The following ZBTB4 variants were observed in gnomAD, a reference collection of about 807,000 sequenced individuals.
The protein encoded by ZBTB4 is zinc finger and BTB domain containing 4.
Under a neutral mutation model 59.8 loss-of-function variants are expected in ZBTB4, and 14 were observed. The observed-to-expected ratio is 0.23, with a 90% CI of 0.15 to 0.37. ZBTB4 has a LOEUF of 0.37. ZBTB4 is among the 10% of genes least tolerant of loss of function. The probability of loss-of-function intolerance (pLI) is 1.00; values close to 1 mark genes in which losing one functional copy is unlikely to be tolerated. For missense variants in ZBTB4, 1,198 were observed against 1,380.8 expected, an observed-to-expected ratio of 0.87 and a Z score of 2.10; for synonymous variants, 587 against 575.2, an observed-to-expected ratio of 1.02 and a Z score of -0.29.
At chr17:7,467,366 G>A in intron 1 of ZBTB4, 39 bp from the exon 2 acceptor site, 1 of 628,800 alleles carries the variant, frequency 1.6e-6, no homozygotes, top group Non-Finnish European at 2.0e-6. Flanking sequence ...GAACCTAGAG[G>A]AGGAGCAGAA....
In ZBTB4 at chr17:7,466,876, A is replaced by G; in HGVS notation, c.-9-66T>C. 6.9e-7 allele frequency: 1 copy of G among 1,444,270 alleles called. No individual in the cohort carries two copies. Among genetic ancestry groups the G allele is most frequent in the Non-Finnish European group, 9.1e-7 (1 of 1,102,372 alleles). The allele number at this position is 1,444,270 out of a possible 1,614,324, so 89.5% of individuals were successfully genotyped here. On this transcript the variant is annotated intron_variant, in intron 2 of 3. Transcript: ENST00000380599. The surrounding 1 kb of genome is among the most constrained non-coding windows in gnomAD (Gnocchi z 9.1). ...TGGGCAGAGGGCAGGGGCTTCTAAA[A>G]TCAGGCAGAGAGAGGATCAGGAGCT... is the stretch of plus-strand genomic sequence containing the variant.
In ZBTB4 at chr17:7,464,042, G is replaced by A. The variant is rs575152004; in HGVS notation, c.1092-152C>T. On this transcript the variant is annotated intron_variant, in intron 3 of 3. Coordinates refer to ENST00000380599, the MANE Select transcript of ZBTB4 (RefSeq NM_001128833.2). The stretch of plus-strand genomic sequence containing the variant: ...CACCAGGCCAGCCTCAGTGCAGGGT[G>A]CCCGTCTGAGCTCAGTGCCTCCACT... 45 of 1,333,888 alleles carry A rather than the reference G, an allele frequency of 3.4e-5. 1 individual carries two copies. In the South Asian group the frequency reaches 6.7e-4, roughly 20 times the overall value. 82.6% of individuals were successfully genotyped at this position (1,333,888 alleles called of 1,614,324 possible).
chr17:7,463,985 CTG>C, intron 3 of ZBTB4, 95 bp from the exon 4 acceptor site: 1 of 1,509,504 alleles, frequency 6.6e-7, no homozygotes. Flanking sequence ...GCACTCAAAC[CTG>C]TGACTCCCGT....
chr17:7,482,131 G>C (rs1171552061), upstream of ZBTB4: 2 of 1,614,044 alleles, frequency 1.2e-6, no homozygotes, highest in Non-Finnish European at 1.7e-6. Context: ...GTGGGGGCCT[G>C]CCTGCTGGCT....
At chr17:7,481,335 C>CA (rs1379901371), upstream of ZBTB4, 6 of 1,091,072 alleles carry the variant, frequency 5.5e-6, no homozygotes, top group Non-Finnish European at 7.1e-6. Context: ...TCGTCGCAAA[C>CA]AAAAAAAGAA....
intron 1 of ZBTB4, among the ~76,000 whole-genome samples, chr17:7,476,674 G>A (rs1471714560): frequency 2.0e-5 from 3 of 152,150 alleles, no homozygotes; most frequent in African/African-American, 4.8e-5. Flanking sequence ...TCCACAGGAT[G>A]AGAACGATCA....
intron 1 of ZBTB4, among the ~76,000 whole-genome samples, chr17:7,469,538 G>A (rs1172240553): frequency 8.6e-5 from 13 of 151,030 alleles, no homozygotes; most frequent in East Asian, 4.1e-4. Context: ...CAAGGCGGGC[G>A]GATCATCTGA....
At chr17:7,464,437 A>G (rs985954837) in intron 3 of ZBTB4, among the ~76,000 whole-genome samples, 1 of 151,204 alleles carries the variant, frequency 6.6e-6, no homozygotes, top group African/African-American at 2.4e-5. Flanking sequence ...AAAAGAAAAA[A>G]AAAAAAAAAA....
Position 7,462,220 on chromosome 17 carries a change from G to T in ZBTB4, c.2762C>A (p.Pro921His). ...GAAKVTFYPE[P>H]YPLVYGPQLL... ...CTGGGGGCCATAGACGAGCGGGTAG[G>T]GCTCAGGGTAGAAAGTGACTTTGGC... The change falls in exon 4 of 4, where the codon CCC (proline) becomes CAC (histidine). Residue 921 changes from proline (P) to histidine (H), a missense_variant. By Grantham distance (77) the Pro-to-His change is moderately conservative (BLOSUM62 -2). Transcript: ENST00000380599. This position sits in a 1 kb window ranked among gnomAD's most constrained non-coding sequence, Gnocchi z 7.5. 6.2e-7 allele frequency: 1 copy of T among 1,613,814 alleles called. No homozygotes were observed. Among genetic ancestry groups the T allele is most frequent in the Non-Finnish European group, 8.5e-7 (1 of 1,179,868 alleles).
At chr17:7,479,260 C>A (rs1054015297) in intron 1 of ZBTB4, among the ~76,000 whole-genome samples, 196 bp downstream of exon 1, 9 of 152,090 alleles carry the variant, frequency 5.9e-5, no homozygotes, top group Non-Finnish European at 8.8e-5. Context: ...CCCCCTTAGT[C>A]GCCCCCCAGC....
intron 1 of ZBTB4, among the ~76,000 whole-genome samples, chr17:7,470,031 G>A (rs567180899): frequency 1.4e-4 from 21 of 151,992 alleles, no homozygotes; most frequent in African/African-American, 3.9e-4. Flanking sequence ...GCAGTGAGCC[G>A]AGATTGCGTC....
At chr17:7,483,109 G>A (rs11078680), upstream of ZBTB4, 903,497 of 1,533,178 alleles carry the variant, frequency 0.59, 268,408 homozygotes, top group East Asian at 0.66. Flanking sequence ...GTGTGGGAGA[G>A]GGATACCTCT....
In ZBTB4 at chr17:7,479,542, G is replaced by C. The variant is rs1200908014; in HGVS notation, c.-167C>G. 6.3e-6 allele frequency: 1 copy of C among 159,346 alleles called. No individual in the cohort carries two copies. The highest frequency in any genetic ancestry group is 2.4e-5 in the African/African-American group (1 of 41,354). The allele number at this position is 159,346 out of a possible 1,614,324, so 9.9% of individuals were successfully genotyped here. A position where few individuals can be genotyped will look rare whatever the true frequency, so the allele number is the denominator to read the frequency against. On this transcript the variant is annotated 5_prime_UTR_variant, in exon 1 of 4. Coordinates refer to ENST00000380599, the MANE Select transcript of ZBTB4 (RefSeq NM_001128833.2). ...TCCGGTTTTGCCCGCCTCCAGCTCC[G>C]GCTCCGGCTCCAGCTCCGGCCCTGG...
upstream of ZBTB4, chr17:7,482,253 G>A (rs778360385): frequency 7.4e-6 from 12 of 1,613,838 alleles, no homozygotes; most frequent in African/African-American, 1.3e-5. Flanking sequence ...CTTAAACTGC[G>A]TGGCGACCCC....
At position 7,466,011 on chromosome 17, in the gene ZBTB4, C is replaced by A. The variant is rs771985034; in HGVS notation, c.791G>T (p.Gly264Val). ...AQCRRGASTR[G>V]STGLGAGGAG... ...GCCCCCAGCTCCCAGCCCTGTAGAC[C>A]CCCGCGTGCTGGCCCCTCGTCGGCA... The change falls in exon 3 of 4, where the codon GGG becomes GTG. Residue 264 changes from glycine (G) to valine (V), a missense_variant. Around this residue, in one of 9 missense-constraint regions of ZBTB4, gnomAD observed 204 missense variants for 205.5 expected, o/e 0.99. Coordinates refer to ENST00000380599, the MANE Select transcript of ZBTB4 (RefSeq NM_001128833.2). This position sits in a 1 kb window ranked among gnomAD's most constrained non-coding sequence, Gnocchi z 9.1. The A allele has an allele frequency of 1.2e-6, 2 of 1,607,616 alleles. No individual in the cohort carries two copies. The highest frequency in any genetic ancestry group is 2.2e-5 in the South Asian group (2 of 90,714).
At chr17:7,474,298 C>T (rs1051892834) in intron 1 of ZBTB4, among the ~76,000 whole-genome samples, 5 of 150,494 alleles carry the variant, frequency 3.3e-5, no homozygotes, top group Admixed American at 6.7e-5. Context: ...TCCCTGCAGC[C>T]TTGACCTCCC....
At position 7,462,507 on chromosome 17, in the gene ZBTB4, G is replaced by A. The variant is rs778700465; in HGVS notation, c.2475C>T (p.Ser825=). The A allele has an allele frequency of 3.1e-6, 5 of 1,614,034 alleles. No individual in the cohort carries two copies. The Admixed American group carries it at 5.0e-5, about 16-fold the overall frequency. ...KEEAPQEMQV[S]SSSGEAGGGS... is the part of the protein sequence containing the mutation. Reference sequence around the variant, plus strand: ...CGCCACCTGCCTCACCGCTGGATGAGGAGACTTGCATCTCTTGGGGGGCTT... The same window carrying A: ...CGCCACCTGCCTCACCGCTGGATGAAGAGACTTGCATCTCTTGGGGGGCTT... Residue 825 remains serine, a synonymous_variant, in exon 4 of 4, where the codon TCC becomes TCT. Coordinates refer to ENST00000380599, the MANE Select transcript of ZBTB4 (RefSeq NM_001128833.2). The surrounding 1 kb of genome is among the most constrained non-coding windows in gnomAD (Gnocchi z 7.5).
chr17:7,473,706 G>A (rs2070231063), intron 1 of ZBTB4, among the ~76,000 whole-genome samples: 1 of 151,798 alleles, frequency 6.6e-6, no homozygotes, highest in Non-Finnish European at 1.5e-5. Context: ...CTGCCACCAT[G>A]CCCAGATAAT....
chr17:7,465,429 A>C (rs2070104686), intron 3 of ZBTB4, among the ~76,000 whole-genome samples: 1 of 149,666 alleles, frequency 6.7e-6, no homozygotes, highest in Admixed American at 6.8e-5. Context: ...GCACCACTGC[A>C]CTCCAGCCTG....
Sources: gnomAD v4.1 joint callset for allele counts (sites outside exome capture counted in the v4.1 genomes callset) on GRCh38, gnomAD v4.1.1 for gene constraint, gnomAD v4.1.1 regional missense constraint, Gnocchi (gnomAD v3.1) non-coding constraint, MANE v1.5 for transcripts, NCBI Gene and HGNC (gene_info 2026-07-23, HGNC 2026-07-21) for gene names.